Variants in ATP10A observed in about 807,000 individuals in gnomAD.
The protein encoded by ATP10A is phospholipid-transporting ATPase VA.
A neutral mutation model predicts 147.8 loss-of-function variants in ATP10A; 111 were observed. That is an observed-to-expected ratio of 0.75 (90% CI 0.64 to 0.88). The LOEUF (loss-of-function observed/expected upper bound fraction) is 0.88. ATP10A is among the 40% of genes least tolerant of loss of function. ATP10A has a pLI of 0.00. For missense variants in ATP10A, 1,927 were observed against 1,959.0 expected (o/e 0.98, Z 0.31); for synonymous variants, 875 against 841.6 (o/e 1.04, Z -0.69).
rs753725444 is a variant in ATP10A at position 25,781,180 on chromosome 15, C to T, written c.493G>A (p.Val165Met). Residue 165 changes from valine (V) to methionine (M), a missense_variant, in exon 2 of 21, where the codon GTG becomes ATG. Transcript: ENST00000555815. The part of the protein sequence containing the change: ...YVNRFWKEIH[V>M]GDFVRLRCNE... ...CAGCGAAGACGCACAAAGTCTCCCACGTGGATTTCTTTCCAGAATCGGTTC... is the reference window on the plus strand; with the variant it reads ...CAGCGAAGACGCACAAAGTCTCCCATGTGGATTTCTTTCCAGAATCGGTTC... 1.3e-5 allele frequency: 21 copies of T among 1,614,054 alleles called. No individual in the cohort carries two copies. The highest frequency in any genetic ancestry group is 1.5e-5 in the Non-Finnish European group (18 of 1,180,034).
chr15:25,743,139 AG>A (rs972137264), intron 2 of ATP10A, among the ~76,000 whole-genome samples: 1 of 152,234 alleles, frequency 6.6e-6, no homozygotes, highest in African/African-American at 2.4e-5. Context: ...CATGGACCAC[AG>A]GGCCATTGGT....
intron 4 of ATP10A, among the ~76,000 whole-genome samples, chr15:25,726,955 G>A (rs553792697): frequency 1.3e-5 from 2 of 150,844 alleles, no homozygotes; most frequent in Admixed American, 1.3e-4. Context: ...TACTCGGGAG[G>A]CTGAGGCAGG....
At position 25,702,068 on chromosome 15, in the gene ATP10A, C is replaced by G; in HGVS notation, c.2608G>C (p.Gly870Arg). Residue 870 changes from glycine (G) to arginine (R), a missense_variant, in exon 13 of 21, where the codon GGA (glycine) becomes CGA (arginine). Gly to Arg is a moderately radical substitution (Grantham distance 125, BLOSUM62 -2). Coordinates refer to ENST00000555815, the MANE Select transcript of ATP10A (RefSeq NM_024490.4). The part of the protein sequence containing the change: ...ATGIEDRLQD[G>R]VPETISKLRQ... ...AATTTAGAAATAGTTTCAGGGACTC[C>G]GTCCTGCAGGCGGTCTTCAATCCCA... The G allele has an allele frequency of 1.2e-6, 2 of 1,613,710 alleles. No homozygotes were observed. Among genetic ancestry groups the G allele is most frequent in the East Asian group, 4.5e-5 (2 of 44,878 alleles).
chr15:25,845,254 C>T (rs1002424130), intron 1 of ATP10A, among the ~76,000 whole-genome samples: 7 of 152,066 alleles, frequency 4.6e-5, no homozygotes, highest in African/African-American at 1.7e-4. Context: ...GTGACATATT[C>T]AACAAAAGGC....
At chr15:25,707,229 C>T (rs1901085048) in intron 12 of ATP10A, among the ~76,000 whole-genome samples, 1 of 152,052 alleles carries the variant, frequency 6.6e-6, no homozygotes, top group African/African-American at 2.4e-5. Flanking sequence ...CTCCTCTGCC[C>T]AGAAAAAGAG....
Position 25,697,617 on chromosome 15 carries a change from T to C in ATP10A, c.2761-2471A>G, listed in dbSNP as rs578057125. Among the ~76,000 whole-genome samples the C allele has an allele frequency of 4.0e-4, 61 of 152,102 alleles. 1 individual carries two copies. The highest frequency in any genetic ancestry group is 5.3e-4 in the Non-Finnish European group (36 of 68,008). ...AAGGAAGATATTTCAGAGAACCAAATAGAAATTTGTGACAGAAATACATTA... is the reference window on the plus strand; with the variant it reads ...AAGGAAGATATTTCAGAGAACCAAACAGAAATTTGTGACAGAAATACATTA... On this transcript the variant is annotated intron_variant, in intron 13 of 20. Transcript: ENST00000555815.
At chr15:25,672,961 G>C (rs538745541), downstream of ATP10A, among the ~76,000 whole-genome samples, 1 of 152,292 alleles carries the variant, frequency 6.6e-6, no homozygotes, top group Non-Finnish European at 1.5e-5. Context: ...CTGCTCCTGA[G>C]ACACTTGTAC....
intron 14 of ATP10A, 104 bp downstream of exon 14, chr15:25,694,715 A>G (rs1900215613): frequency 1.9e-6 from 2 of 1,055,238 alleles, no homozygotes; most frequent in African/African-American, 1.6e-5. Flanking sequence ...ACACACAGAA[A>G]GAAAGGTGAG....
chr15:25,676,509 C>A (rs961550207), downstream of ATP10A, among the ~76,000 whole-genome samples: 1 of 152,192 alleles, frequency 6.6e-6, no homozygotes, highest in Non-Finnish European at 1.5e-5. Context: ...AACTCCTACA[C>A]CCACTTTTTC....
At chr15:25,682,721 G>A (rs773107483) in intron 17 of ATP10A, among the ~76,000 whole-genome samples, 1 of 152,212 alleles carries the variant, frequency 6.6e-6, no homozygotes, top group African/African-American at 2.4e-5. Context: ...TAACTCATCA[G>A]TGAATGAATC....
intron 1 of ATP10A, among the ~76,000 whole-genome samples, chr15:25,837,148 T>C (rs545784538): frequency 6.6e-6 from 1 of 152,014 alleles, no homozygotes; most frequent in South Asian, 2.1e-4. Flanking sequence ...AATACAAGAG[T>C]AACTACCATA....
intron 2 of ATP10A, among the ~76,000 whole-genome samples, chr15:25,742,182 G>A (rs1887615648): frequency 6.6e-6 from 1 of 152,170 alleles, no homozygotes; most frequent in South Asian, 2.1e-4. Flanking sequence ...TGCCTGACGT[G>A]GTTCTCGTCT....
chr15:25,817,926 G>A (rs1204375707), intron 1 of ATP10A, among the ~76,000 whole-genome samples: 1 of 152,148 alleles, frequency 6.6e-6, no homozygotes. Context: ...AATATACAAA[G>A]TTGTATTCAT....
chr15:25,719,708 GC>G (rs535100119), intron 7 of ATP10A, among the ~76,000 whole-genome samples: 304 of 152,228 alleles, frequency 2.0e-3, no homozygotes, highest in Middle Eastern at 0.014. Flanking sequence ...CCCCTGGGAT[GC>G]CTTCCATGTC....
intron 2 of ATP10A, among the ~76,000 whole-genome samples, chr15:25,763,013 CTT>C (rs1178395959): frequency 6.6e-6 from 1 of 151,940 alleles, no homozygotes; most frequent in Non-Finnish European, 1.5e-5. Flanking sequence ...TTTTCCCAAA[CTT>C]TTGGTTTTTT....
intron 1 of ATP10A, among the ~76,000 whole-genome samples, chr15:25,853,217 A>G (rs1287089197): frequency 6.6e-6 from 1 of 152,238 alleles, no homozygotes; most frequent in African/African-American, 2.4e-5. Flanking sequence ...CTTCTAAAAA[A>G]GCAGAAATCA....
At chr15:25,711,783 C>G (rs1198991381) in intron 10 of ATP10A, among the ~76,000 whole-genome samples, 1 of 152,194 alleles carries the variant, frequency 6.6e-6, no homozygotes, top group Non-Finnish European at 1.5e-5. Context: ...CTTCCTGAGA[C>G]CCAGAGCAAA....
chr15:25,760,109 T>A (rs1396690826), intron 2 of ATP10A, among the ~76,000 whole-genome samples: 1 of 152,092 alleles, frequency 6.6e-6, no homozygotes, highest in Non-Finnish European at 1.5e-5. Flanking sequence ...CTATGTAATT[T>A]AAACCTTGGA....
At chr15:25,699,019 C>T (rs1323948555) in intron 13 of ATP10A, among the ~76,000 whole-genome samples, 1 of 152,010 alleles carries the variant, frequency 6.6e-6, no homozygotes, top group Non-Finnish European at 1.5e-5. Context: ...TCAATGCTTC[C>T]CAAATTGATT....
Sources: allele counts gnomAD v4.1 joint callset (sites outside exome capture counted in the v4.1 genomes callset), GRCh38; gene constraint gnomAD v4.1.1; transcripts MANE v1.5; gene names NCBI Gene and HGNC (gene_info 2026-07-23, HGNC 2026-07-21).